The following SEMA5A variants were observed in gnomAD, a reference collection of about 807,000 sequenced individuals.
SEMA5A encodes the protein semaphorin-5A.
A neutral mutation model predicts 135.5 loss-of-function variants in SEMA5A; 55 were observed. The observed-to-expected ratio is 0.41, with a 90% CI of 0.33 to 0.51. SEMA5A has a LOEUF of 0.51. Ranked by LOEUF, SEMA5A falls within the 20% of genes least tolerant of loss-of-function variation. The pLI is 0.37. For missense variants in SEMA5A, 1,290 were observed against 1,419.9 expected, an observed-to-expected ratio of 0.91 and a Z score of 1.47; for synonymous variants, 580 against 546.5, an observed-to-expected ratio of 1.06 and a Z score of -0.85.
intron 5 of SEMA5A, among the ~76,000 whole-genome samples, chr5:9,278,124 AAAAAG>A (rs900994330): frequency 1.4e-4 from 22 of 151,794 alleles, no homozygotes; most frequent in African/African-American, 5.1e-4. Flanking sequence ...AAAAAAAAAA[AAAAAG>A]AAGTCCCAGC....
intron 3 of SEMA5A, among the ~76,000 whole-genome samples, chr5:9,344,239 AT>A (rs1753767849): frequency 6.6e-6 from 1 of 152,168 alleles, no homozygotes; most frequent in African/African-American, 2.4e-5. Context: ...TTGTTATAAA[AT>A]TTTTTTAAAC....
intron 16 of SEMA5A, among the ~76,000 whole-genome samples, chr5:9,067,328 A>G (rs1264050593): frequency 6.6e-6 from 1 of 152,090 alleles, no homozygotes; most frequent in Admixed American, 6.5e-5. Flanking sequence ...AGATGATGAA[A>G]ATCTGCCTGG....
Position 9,335,877 on chromosome 5 carries a change from TG to T in SEMA5A, c.224+1835del, listed in dbSNP as rs1753368223. On this transcript the variant is annotated intron_variant, in intron 4 of 22. Coordinates refer to ENST00000382496, the MANE Select transcript of SEMA5A (RefSeq NM_003966.3). ...TGAGCTTCTATAAGCAGGAAAAATC[TG>T]TGCTATATGCTGGAGAAATAAAGAA... Among the ~76,000 whole-genome samples the T allele has an allele frequency of 3.3e-5, 5 of 152,196 alleles. No individual in the cohort carries two copies. The South Asian group carries it at 1.0e-3, about 32-fold the overall frequency.
At chr5:9,070,536 T>G (rs546497310) in intron 16 of SEMA5A, among the ~76,000 whole-genome samples, 4 of 152,240 alleles carry the variant, frequency 2.6e-5, no homozygotes, top group African/African-American at 4.8e-5. Context: ...TTTCCCACAC[T>G]GCAAACTTCA....
chr5:9,198,648 G>A (rs1022121309), intron 9 of SEMA5A, among the ~76,000 whole-genome samples: 10 of 152,154 alleles, frequency 6.6e-5, no homozygotes, highest in South Asian at 6.2e-4. Context: ...AGGGCCTGGC[G>A]CTGGAAAATA....
intron 1 of SEMA5A, among the ~76,000 whole-genome samples, chr5:9,521,347 C>T (rs1189418878): frequency 1.3e-5 from 2 of 152,106 alleles, no homozygotes; most frequent in Non-Finnish European, 2.9e-5. Flanking sequence ...GAGGTGGAGG[C>T]CGCAGTGAGC....
intron 12 of SEMA5A, among the ~76,000 whole-genome samples, chr5:9,151,127 T>A (rs1356783640): frequency 6.6e-6 from 1 of 152,180 alleles, no homozygotes; most frequent in African/African-American, 2.4e-5. Flanking sequence ...AGGATTGACA[T>A]AATAATCCCG....
chr5:9,391,959 C>T (rs1383535266), intron 2 of SEMA5A, among the ~76,000 whole-genome samples: 5 of 152,166 alleles, frequency 3.3e-5, no homozygotes, highest in Admixed American at 1.3e-4. Flanking sequence ...CCTGTGCTCC[C>T]GCCACACACA....
chr5:9,243,022 C>G (rs1300417029), intron 5 of SEMA5A, among the ~76,000 whole-genome samples: 1 of 152,188 alleles, frequency 6.6e-6, no homozygotes, highest in Non-Finnish European at 1.5e-5. Flanking sequence ...TAAGGAACTG[C>G]AGAGTGGTGC....
rs1177089907 is a variant in SEMA5A at position 9,425,250 on chromosome 5, C to T, written c.-78+12506G>A. Among the ~76,000 whole-genome samples, 14 of 152,108 alleles carry T rather than the reference C, an allele frequency of 9.2e-5. No individual in the cohort carries two copies. In the East Asian group the frequency reaches 1.3e-3, roughly 15 times the overall value. The stretch of plus-strand genomic sequence containing the variant: ...CAATACTTTTTTTATTTATTGTGAA[C>T]GCAATTATTGCTTATGGTCTAACTC... On this transcript the variant is annotated intron_variant, in intron 2 of 22. Coordinates refer to ENST00000382496, the MANE Select transcript of SEMA5A (RefSeq NM_003966.3).
intron 22 of SEMA5A, 181 bp from the exon 23 acceptor site, chr5:9,043,197 A>G: frequency 1.8e-6 from 1 of 563,782 alleles, no homozygotes; most frequent in Non-Finnish European, 3.0e-6. Context: ...TTGCCTAATT[A>G]CCAGAATAAG....
intron 5 of SEMA5A, among the ~76,000 whole-genome samples, chr5:9,266,334 T>A (rs570722063): frequency 7.2e-4 from 110 of 152,292 alleles, no homozygotes; most frequent in Middle Eastern, 3.4e-3. Flanking sequence ...CTGGCAAACT[T>A]CTGCTTTTAA....
intron 1 of SEMA5A, among the ~76,000 whole-genome samples, chr5:9,447,884 C>T (rs1277667367): frequency 6.6e-6 from 1 of 152,150 alleles, no homozygotes; most frequent in Non-Finnish European, 1.5e-5. Context: ...CAAATGAAGA[C>T]ATGGAACAGT....
intron 12 of SEMA5A, among the ~76,000 whole-genome samples, chr5:9,146,055 A>T (rs1742317681): frequency 6.6e-6 from 1 of 152,176 alleles, no homozygotes; most frequent in South Asian, 2.1e-4. Flanking sequence ...GAAAACACAC[A>T]TTGCCATTTA....
Position 9,202,130 on chromosome 5 carries a change from C to G in SEMA5A, c.757G>C (p.Val253Leu). 6.2e-7 allele frequency: 1 copy of G among 1,614,182 alleles called. No homozygotes were observed. Among genetic ancestry groups the G allele is most frequent in the Non-Finnish European group, 8.5e-7 (1 of 1,180,028 alleles). Reference protein sequence around the residue: ...GKTVFSRAARVCKNDIGGRFL... With the variant: ...GKTVFSRAARLCKNDIGGRFL... ...CGCCCACCAATATCGTTCTTGCACA[C>G]CCGGGCAGCTCTGGAGAACACTGTT... Residue 253 changes from valine to leucine, a missense_variant, in exon 9 of 23, where the codon GTG becomes CTG. Physicochemically the swap from Val to Leu is conservative, Grantham distance 32. This residue lies in a region of SEMA5A where 145 missense variants were observed against 212.0 expected (regional missense o/e 0.68). Transcript: ENST00000382496.
intron 11 of SEMA5A, among the ~76,000 whole-genome samples, chr5:9,163,273 AAAG>A (rs966069042): frequency 2.4e-4 from 36 of 152,108 alleles, no homozygotes; most frequent in African/African-American, 8.5e-4. Flanking sequence ...TTAAAAAAAA[AAAG>A]AATTTAGATG....
intron 4 of SEMA5A, among the ~76,000 whole-genome samples, chr5:9,326,926 C>G (rs1463951494): frequency 6.6e-6 from 1 of 152,150 alleles, no homozygotes; most frequent in Non-Finnish European, 1.5e-5. Flanking sequence ...ATGTAACCAA[C>G]TCATATAATT....
At chr5:9,281,143 G>A (rs1014583878) in intron 5 of SEMA5A, among the ~76,000 whole-genome samples, 2 of 152,116 alleles carry the variant, frequency 1.3e-5, no homozygotes, top group African/African-American at 4.8e-5. Context: ...TGGTAGGATG[G>A]AAAATACACA....
At chr5:9,355,299 G>A (rs938192014) in intron 3 of SEMA5A, among the ~76,000 whole-genome samples, 7 of 152,168 alleles carry the variant, frequency 4.6e-5, no homozygotes, top group Non-Finnish European at 1.5e-5. Flanking sequence ...GGAGGCATGA[G>A]CTGCGTGGCA....
Sources: gnomAD v4.1 joint callset for allele counts (sites outside exome capture counted in the v4.1 genomes callset) on GRCh38, gnomAD v4.1.1 for gene constraint, gnomAD v4.1.1 regional missense constraint, MANE v1.5 for transcripts, NCBI Gene and HGNC (gene_info 2026-07-23, HGNC 2026-07-21) for gene names.